PDIA5: variants seen among roughly 807,000 people sequenced by gnomAD.
PDIA5 encodes the protein protein disulfide-isomerase A5.
A neutral mutation model predicts 77.6 loss-of-function variants in PDIA5; 58 were observed. The ratio of observed to expected loss-of-function variants is 0.75; its 90% CI spans 0.61 to 0.93. PDIA5 has a LOEUF of 0.93. Among genes scored for constraint, PDIA5 ranks in the 40% least tolerant of loss-of-function variants. PDIA5 has a pLI of 0.00. For synonymous variants in PDIA5, 250 were observed against 252.1 expected (o/e 0.99, Z 0.08); for missense variants, 630 against 647.7 (o/e 0.97, Z 0.30).
At chr3:123,081,290 A>G (rs1279356740) in intron 1 of PDIA5, among the ~76,000 whole-genome samples, 1 of 152,210 alleles carries the variant, frequency 6.6e-6, no homozygotes, top group Non-Finnish European at 1.5e-5. Flanking sequence ...AGAGTAGGAA[A>G]CAGACTTGGA....
intron 5 of PDIA5, 126 bp from the exon 6 acceptor site, chr3:123,106,623 C>G: frequency 1.5e-6 from 1 of 684,494 alleles, no homozygotes. Flanking sequence ...ATGCCACATG[C>G]AGTCCTGAGC....
intron 11 of PDIA5, among the ~76,000 whole-genome samples, chr3:123,143,443 G>T (rs1426275970): frequency 1.3e-5 from 2 of 151,262 alleles, no homozygotes; most frequent in Non-Finnish European, 1.5e-5. Flanking sequence ...AGCATGATGA[G>T]TGTGTAGTGT....
At chr3:123,069,111 G>A (rs1933661543) in intron 1 of PDIA5, among the ~76,000 whole-genome samples, 1 of 152,196 alleles carries the variant, frequency 6.6e-6, no homozygotes, top group Non-Finnish European at 1.5e-5. Flanking sequence ...GGTAGGAGGT[G>A]GAGGGAGCAT....
At chr3:123,082,201 G>A (rs1315075755) in intron 1 of PDIA5, among the ~76,000 whole-genome samples, 1 of 152,112 alleles carries the variant, frequency 6.6e-6, no homozygotes, top group Non-Finnish European at 1.5e-5. Flanking sequence ...GGTTGCTTCG[G>A]TAGGCCCTGC....
chr3:123,161,824 C>T (rs780160832), intron 16 of PDIA5, 56 bp from the exon 17 acceptor site: 1 of 1,150,640 alleles, frequency 8.7e-7, no homozygotes, highest in Non-Finnish European at 1.3e-6. Context: ...AGAGAGTGCA[C>T]AGCCAGCTCA....
chr3:123,096,761 A>G (rs1430164462), intron 3 of PDIA5, among the ~76,000 whole-genome samples: 1 of 152,126 alleles, frequency 6.6e-6, no homozygotes, highest in Non-Finnish European at 1.5e-5. Context: ...CTCAACAGCC[A>G]CGCTCAGTCT....
chr3:123,080,162 G>C (rs908853748), intron 1 of PDIA5, among the ~76,000 whole-genome samples: 3 of 151,390 alleles, frequency 2.0e-5, no homozygotes, highest in African/African-American at 7.3e-5. Context: ...GTGTGTGGGG[G>C]GGATTTAACA....
intron 2 of PDIA5, 43 bp downstream of exon 2, chr3:123,089,337 G>T (rs779912642): frequency 6.2e-7 from 1 of 1,604,318 alleles, no homozygotes. Flanking sequence ...ATCGGGGTAG[G>T]ATGGGATTCA....
rs752091719 is a variant in PDIA5, at chr3:123,124,053, C to T, written c.610-13C>T. The T allele has an allele frequency of 2.1e-5, 33 of 1,596,864 alleles. No homozygotes were observed. In the South Asian group the frequency reaches 2.4e-4, roughly 12 times the overall value. On this transcript the variant is annotated splice_polypyrimidine_tract_variant and intron_variant, in intron 8 of 16. Transcript: ENST00000316218. ...GCACAGGCTCCACACGGCTCTTCTC[C>T]GCTTCCTCCCAGGTGCTGGCCGGGA...
intron 10 of PDIA5, among the ~76,000 whole-genome samples, chr3:123,130,213 A>G (rs1935339664): frequency 6.6e-6 from 1 of 152,250 alleles, no homozygotes; most frequent in African/African-American, 2.4e-5. Context: ...TAGGCTATCT[A>G]GAGAGCTGTA....
intron 3 of PDIA5, among the ~76,000 whole-genome samples, chr3:123,097,051 C>G (rs1331900674): frequency 2.0e-5 from 3 of 152,206 alleles, no homozygotes; most frequent in Admixed American, 2.0e-4. Context: ...GCTCTCCTCC[C>G]CATCTGCTTG....
chr3:123,130,751 G>A (rs1935354125), intron 11 of PDIA5, 135 bp downstream of exon 11: 2 of 968,008 alleles, frequency 2.1e-6, no homozygotes, highest in Non-Finnish European at 3.1e-6. Flanking sequence ...AGGGGATGCA[G>A]TGGTGACAGG....
chr3:123,160,893 T>C (rs1936144471), intron 15 of PDIA5, among the ~76,000 whole-genome samples: 1 of 152,194 alleles, frequency 6.6e-6, no homozygotes, highest in African/African-American at 2.4e-5. Flanking sequence ...CTTGGGGAAC[T>C]TGACTTGAAA....
chr3:123,161,584 A>T, intron 16 of PDIA5, 129 bp downstream of exon 16: 1 of 1,025,918 alleles, frequency 9.7e-7, no homozygotes, highest in Non-Finnish European at 1.4e-6. Context: ...CTGCACCGAG[A>T]GGCCCAGGCC....
chr3:123,097,178 C>A (rs1934465692), intron 3 of PDIA5, among the ~76,000 whole-genome samples: 1 of 152,200 alleles, frequency 6.6e-6, no homozygotes, highest in Non-Finnish European at 1.5e-5. Flanking sequence ...TTAGCATTTG[C>A]TCCTAAGCAT....
At chr3:123,076,712 C>T (rs1049865833) in intron 1 of PDIA5, among the ~76,000 whole-genome samples, 9 of 152,166 alleles carry the variant, frequency 5.9e-5, no homozygotes, top group Admixed American at 6.5e-5. Context: ...TGGGAATTCA[C>T]CTGCTCTTCC....
intron 2 of PDIA5, among the ~76,000 whole-genome samples, chr3:123,089,509 T>A (rs1381843323): frequency 6.6e-6 from 1 of 152,244 alleles, no homozygotes; most frequent in Non-Finnish European, 1.5e-5. Context: ...ATTTCTTTTT[T>A]ATGACTGTTT....
chr3:123,067,230 G>A (rs1933590117), intron 1 of PDIA5, 24 bp downstream of exon 1: 3 of 1,243,296 alleles, frequency 2.4e-6, no homozygotes, highest in Middle Eastern at 2.8e-4. Context: ...GCAGGGATCC[G>A]GGCCGGGCCA....
intron 1 of PDIA5, among the ~76,000 whole-genome samples, chr3:123,079,743 A>G (rs1381625707): frequency 6.6e-6 from 1 of 152,228 alleles, no homozygotes; most frequent in African/African-American, 2.4e-5. Flanking sequence ...AAATTGTGCC[A>G]GCTACCTTTC....
Sources: allele counts gnomAD v4.1 joint callset (sites outside exome capture counted in the v4.1 genomes callset), GRCh38; gene constraint gnomAD v4.1.1; transcripts MANE v1.5; gene names NCBI Gene and HGNC (gene_info 2026-07-23, HGNC 2026-07-21).